Variants in SPTB observed in about 807,000 individuals in gnomAD.
SPTB encodes the protein spectrin beta chain, erythrocytic.
SPTB carries 45 observed loss-of-function variants against 256.2 expected under a neutral mutation model. The ratio of observed to expected loss-of-function variants is 0.18; its 90% CI spans 0.14 to 0.23. The LOEUF (loss-of-function observed/expected upper bound fraction) is 0.23, where lower values mean the gene tolerates loss of function less well. Among genes scored for constraint, SPTB ranks in the 10% least tolerant of loss-of-function variants. The probability of loss-of-function intolerance (pLI) is 1.00; values close to 1 mark genes in which losing one functional copy is unlikely to be tolerated. For missense variants in SPTB, 2,715 were observed against 3,040.4 expected (o/e 0.89, Z 2.52); for synonymous variants, 1,231 against 1,243.1 (o/e 0.99, Z 0.21).
intron 32 of SPTB, among the ~76,000 whole-genome samples, chr14:64,762,716 T>G (rs1014358708): frequency 1.3e-5 from 2 of 152,234 alleles, no homozygotes; most frequent in Non-Finnish European, 1.5e-5. Context: ...GAATGGCATC[T>G]GTGAGCTGCC....
intron 1 of SPTB, among the ~76,000 whole-genome samples, chr14:64,850,461 C>G (rs890568086): frequency 6.6e-6 from 1 of 152,228 alleles, no homozygotes; most frequent in African/African-American, 2.4e-5. Flanking sequence ...CCCATTACAT[C>G]CAGACAGACA....
rs747651974 is a variant in SPTB at position 64,823,118 on chromosome 14, G to A, written c.-24C>T. On this transcript the variant is annotated 5_prime_UTR_variant, in exon 2 of 36. Coordinates refer to ENST00000644917, the MANE Select transcript of SPTB (RefSeq NM_001355436.2). The surrounding 1 kb of genome is among the most constrained non-coding windows in gnomAD (Gnocchi z 6.5). ...ATGTCAGCAGGCTCTTAGCAGCTCCGCCTGCCTCAGTCTTCATGGAAGGAT... is the reference window on the plus strand; with the variant it reads ...ATGTCAGCAGGCTCTTAGCAGCTCCACCTGCCTCAGTCTTCATGGAAGGAT... 16 of 1,612,260 alleles carry A rather than the reference G, an allele frequency of 9.9e-6. No individual in the cohort carries two copies. Among genetic ancestry groups the A allele is most frequent in the East Asian group, 8.9e-5 (4 of 44,876 alleles).
intron 1 of SPTB, among the ~76,000 whole-genome samples, chr14:64,859,568 A>G (rs2083925003): frequency 6.6e-6 from 1 of 152,094 alleles, no homozygotes; most frequent in Non-Finnish European, 1.5e-5. Flanking sequence ...AACATAAGAA[A>G]ACCCATCTCT....
chr14:64,809,262 CAAAAA>C (rs57245539), intron 2 of SPTB, among the ~76,000 whole-genome samples: 29,125 of 90,952 alleles, frequency 0.32, 2,993 homozygotes, highest in South Asian at 0.38. Context: ...AACTTTGTAT[CAAAAA>C]AAAAAAAAAA....
chr14:64,846,117 GGTGA>G (rs1482878043), intron 1 of SPTB, among the ~76,000 whole-genome samples: 2 of 152,104 alleles, frequency 1.3e-5, no homozygotes, highest in African/African-American at 2.4e-5. Flanking sequence ...CCCGACTTGC[GGTGA>G]GTAACTTGAT....
rs1298469487 is a variant in SPTB, at chr14:64,823,710, T to C, written c.-51-565A>G. Among the ~76,000 whole-genome samples, 3 of 152,102 alleles carry C rather than the reference T, an allele frequency of 2.0e-5. No homozygotes were observed. Among genetic ancestry groups the C allele is most frequent in the African/African-American group, 7.2e-5 (3 of 41,428 alleles). On this transcript the variant is annotated intron_variant, in intron 1 of 35. Transcript: ENST00000644917. This position sits in a 1 kb window ranked among gnomAD's most constrained non-coding sequence, Gnocchi z 6.5. ...GGCAGCTGCACTGGGGGGACTTCAC[T>C]CCTCCCGGAGGCTTTCTGAGAGCCC...
intron 2 of SPTB, among the ~76,000 whole-genome samples, chr14:64,815,590 A>G (rs1394394543): frequency 2.6e-5 from 4 of 152,202 alleles, no homozygotes. Context: ...GGCTGCATAG[A>G]GAGATTACAC....
intron 24 of SPTB, 51 bp downstream of exon 24, chr14:64,774,346 C>T: frequency 6.4e-7 from 1 of 1,554,026 alleles, no homozygotes; most frequent in Non-Finnish European, 8.7e-7. Context: ...CTGGTGGGCC[C>T]CTGGCTCAAT....
At chr14:64,877,745 C>T (rs1426386581) in intron 1 of SPTB, among the ~76,000 whole-genome samples, 1 of 152,208 alleles carries the variant, frequency 6.6e-6, no homozygotes, top group African/African-American at 2.4e-5. Flanking sequence ...TGCAGCAGAC[C>T]TGTCAAATTT....
At chr14:64,780,130 C>G (rs1314177393) in intron 20 of SPTB, among the ~76,000 whole-genome samples, 199 bp from the exon 21 acceptor site, 1 of 152,170 alleles carries the variant, frequency 6.6e-6, no homozygotes, top group Non-Finnish European at 1.5e-5. Context: ...TTTTGGGTCT[C>G]TGTCCTACCC....
At chr14:64,770,475 T>A (rs1033195110) in intron 27 of SPTB, among the ~76,000 whole-genome samples, 1 of 152,170 alleles carries the variant, frequency 6.6e-6, no homozygotes, top group African/African-American at 2.4e-5. Context: ...TGACTCCTCC[T>A]CTCATGGACG....
At chr14:64,822,355 CT>C (rs2083303097) in intron 2 of SPTB, among the ~76,000 whole-genome samples, 3 of 11,918 alleles carry the variant, frequency 2.5e-4, no homozygotes, top group Non-Finnish European at 8.3e-4. Flanking sequence ...CCCACCTTCT[CT>C]CTCTCTCTCT....
rs2139715658 is a variant in SPTB at position 64,827,510 on chromosome 14, T to C, written c.-51-4365A>G. On this transcript the variant is annotated intron_variant, in intron 1 of 35. Transcript: ENST00000644917. This position sits in a 1 kb window ranked among gnomAD's most constrained non-coding sequence, Gnocchi z 4.6. ...AAACCTGCTTTTAACAATTTGGTAT[T>C]GTGGCAACCCGGTCAGGAGATTAAA... Among the ~76,000 whole-genome samples, 1 of 152,346 alleles carries C rather than the reference T, an allele frequency of 6.6e-6. No homozygotes were observed.
intron 5 of SPTB, 82 bp from the exon 6 acceptor site, chr14:64,801,916 C>A: frequency 7.4e-7 from 1 of 1,350,374 alleles, no homozygotes; most frequent in Non-Finnish European, 1.1e-6. Context: ...GGCCAATATA[C>A]CAGGAGAGAA....
rs2082767685 is a variant in SPTB, at chr14:64,796,298, T to C, written c.1341+259A>G. Among the ~76,000 whole-genome samples the C allele has an allele frequency of 6.6e-6, 1 of 152,150 alleles. No individual in the cohort carries two copies. Among genetic ancestry groups the C allele is most frequent in the Non-Finnish European group, 1.5e-5 (1 of 68,016 alleles). The stretch of plus-strand genomic sequence containing the variant: ...TTAACATCAACTGAAACCCCAGCTG[T>C]AGTTGACACTACAGGCCCACATAAG... On this transcript the variant is annotated intron_variant, in intron 11 of 35. Coordinates refer to ENST00000644917, the MANE Select transcript of SPTB (RefSeq NM_001355436.2). The surrounding 1 kb of genome is among the most constrained non-coding windows in gnomAD (Gnocchi z 4.1).
In SPTB at chr14:64,826,870, G is replaced by A. The variant is rs1338880756; in HGVS notation, c.-51-3725C>T. ...CCAGGCTATATTTTGAGTAGGATGGGACCTGAGAAGGCTTGCCCACAGCTC... is the reference window on the plus strand; with the variant it reads ...CCAGGCTATATTTTGAGTAGGATGGAACCTGAGAAGGCTTGCCCACAGCTC... On this transcript the variant is annotated intron_variant, in intron 1 of 35. Transcript: ENST00000644917. The surrounding 1 kb of genome is among the most constrained non-coding windows in gnomAD (Gnocchi z 4.4). Among the ~76,000 whole-genome samples the A allele has an allele frequency of 1.3e-5, 2 of 152,102 alleles. No individual in the cohort carries two copies. Among genetic ancestry groups the A allele is most frequent in the African/African-American group, 4.8e-5 (2 of 41,412 alleles).
rs952765794 is a variant in SPTB, at chr14:64,772,094, G to A, written c.5553+486C>T. Among the ~76,000 whole-genome samples the A allele has an allele frequency of 1.3e-5, 2 of 152,202 alleles. No homozygotes were observed. Among genetic ancestry groups the A allele is most frequent in the Admixed American group, 1.3e-4 (2 of 15,288 alleles). ...AAAGGCTGAAGTGCCCGGTGGCTAA[G>A]TATGTGGGGTCTATAGCTAGACTGC... On this transcript the variant is annotated intron_variant, in intron 26 of 35. Coordinates refer to ENST00000644917, the MANE Select transcript of SPTB (RefSeq NM_001355436.2). The surrounding 1 kb of genome is among the most constrained non-coding windows in gnomAD (Gnocchi z 5.4).
rs1882220857 is a variant in SPTB, at chr14:64,866,973, T to C, written c.-52+12819A>G. On this transcript the variant is annotated intron_variant, in intron 1 of 35. Transcript: ENST00000644917. This position sits in a 1 kb window ranked among gnomAD's most constrained non-coding sequence, Gnocchi z 4.6. ...CAAAGAGCCTTTCATAGCTGCATTCTGAGGGTCAGCTTCAAACATTCACTG... is the reference window on the plus strand; with the variant it reads ...CAAAGAGCCTTTCATAGCTGCATTCCGAGGGTCAGCTTCAAACATTCACTG... Among the ~76,000 whole-genome samples the C allele has an allele frequency of 6.6e-6, 1 of 152,220 alleles. No homozygotes were observed. The highest frequency in any genetic ancestry group is 1.5e-5 in the Non-Finnish European group (1 of 68,042).
intron 1 of SPTB, among the ~76,000 whole-genome samples, chr14:64,854,267 C>G (rs1278900760): frequency 1.4e-5 from 2 of 140,600 alleles, no homozygotes; most frequent in African/African-American, 2.6e-5. Flanking sequence ...CAATAGTTTT[C>G]CAAACTCTTT....
Sources: allele counts gnomAD v4.1 joint callset (sites outside exome capture counted in the v4.1 genomes callset), GRCh38; gene constraint gnomAD v4.1.1; non-coding constraint Gnocchi (gnomAD v3.1); transcripts MANE v1.5; gene names NCBI Gene and HGNC (gene_info 2026-07-23, HGNC 2026-07-21).